PDE3A: variants seen among roughly 807,000 people sequenced by gnomAD.
PDE3A encodes phosphodiesterase 3A.
PDE3A carries 43 observed loss-of-function variants against 98.3 expected under a neutral mutation model. That is an observed-to-expected ratio of 0.44 (90% CI 0.34 to 0.56). The LOEUF (loss-of-function observed/expected upper bound fraction) is 0.56, where lower values mean the gene tolerates loss of function less well. Ranked by LOEUF, PDE3A falls within the 20% of genes least tolerant of loss-of-function variation. The pLI, the probability that PDE3A is intolerant of heterozygous loss-of-function variation, is 0.01. For synonymous variants in PDE3A, 663 were observed against 567.9 expected (o/e 1.17, Z -2.38); for missense variants, 1,427 against 1,440.7 (o/e 0.99, Z 0.15).
At chr12:20,558,023 C>A (rs1446716073) in intron 2 of PDE3A, among the ~76,000 whole-genome samples, 1 of 151,896 alleles carries the variant, frequency 6.6e-6, no homozygotes, top group African/African-American at 2.4e-5. Context: ...TGATTGCCAC[C>A]AAAACATTTT....
intron 2 of PDE3A, among the ~76,000 whole-genome samples, chr12:20,605,193 TA>T (rs1478538132): frequency 6.6e-6 from 1 of 152,172 alleles, no homozygotes; most frequent in Non-Finnish European, 1.5e-5. Context: ...ATAACAGGCC[TA>T]AAGAGATTTG....
chr12:20,396,603 A>T (rs79234911), intron 1 of PDE3A, among the ~76,000 whole-genome samples: 11,063 of 152,230 alleles, frequency 0.073, 489 homozygotes, highest in Admixed American at 0.1. Flanking sequence ...GTTTCAAAAT[A>T]TGCATAGAGT....
At chr12:20,400,378 GGT>G (rs1944100341) in intron 1 of PDE3A, among the ~76,000 whole-genome samples, 4 of 106,158 alleles carry the variant, frequency 3.8e-5, no homozygotes, top group African/African-American at 1.7e-4. Context: ...CGTTAACATT[GGT>G]TTTTTTTTTT....
At chr12:20,454,974 T>C (rs1445842304) in intron 1 of PDE3A, among the ~76,000 whole-genome samples, 1 of 152,206 alleles carries the variant, frequency 6.6e-6, no homozygotes, top group Admixed American at 6.5e-5. Flanking sequence ...TTATGTTCCT[T>C]TGGGTATATA....
intron 1 of PDE3A, among the ~76,000 whole-genome samples, chr12:20,454,513 G>A (rs1220995479): frequency 6.6e-6 from 1 of 152,108 alleles, no homozygotes. Context: ...ACATGTGCAG[G>A]TTTGTTATGT....
intron 1 of PDE3A, among the ~76,000 whole-genome samples, chr12:20,434,281 G>A (rs180699056): frequency 6.2e-4 from 95 of 152,106 alleles, no homozygotes; most frequent in Non-Finnish European, 6.3e-4. Context: ...TCTGGACCAG[G>A]ATGGGAACAT....
intron 2 of PDE3A, among the ~76,000 whole-genome samples, chr12:20,561,198 C>T (rs895897690): frequency 6.6e-6 from 1 of 151,758 alleles, no homozygotes; most frequent in South Asian, 2.1e-4. Context: ...GCAGAGGCTG[C>T]AGTGAGCCAA....
chr12:20,653,275 T>A (rs1372981291), intron 14 of PDE3A, among the ~76,000 whole-genome samples: 1 of 152,146 alleles, frequency 6.6e-6, no homozygotes, highest in Non-Finnish European at 1.5e-5. Flanking sequence ...ACCCCTTGAA[T>A]TGAGCAATAA....
At chr12:20,665,463 T>C (rs540994634) in intron 15 of PDE3A, among the ~76,000 whole-genome samples, 6 of 152,344 alleles carry the variant, frequency 3.9e-5, no homozygotes, top group South Asian at 4.1e-4. Flanking sequence ...GAAAATGTAA[T>C]GTATTTCTTT....
In PDE3A at chr12:20,637,080, T is replaced by C. The variant is rs186003067; in HGVS notation, c.2002-20T>C. 3 of 1,547,604 alleles carry C rather than the reference T, an allele frequency of 1.9e-6. No individual in the cohort carries two copies. The highest frequency in any genetic ancestry group is 2.6e-6 in the Non-Finnish European group (3 of 1,148,896). On this transcript the variant is annotated intron_variant, in intron 8 of 15. Transcript: ENST00000359062. ...GAAAAACTGCATGCTGTTTAAGTAT[T>C]TTAATGTTAAACATTACAGGACAAA...
chr12:20,555,316 C>T (rs746033110), intron 1 of PDE3A, among the ~76,000 whole-genome samples: 8 of 152,144 alleles, frequency 5.3e-5, no homozygotes, highest in Non-Finnish European at 7.3e-5. Context: ...GCCCCGGCCT[C>T]TAATGGATTC....
intron 2 of PDE3A, among the ~76,000 whole-genome samples, chr12:20,557,761 T>C (rs1205351789): frequency 4.6e-5 from 7 of 152,160 alleles, no homozygotes; most frequent in Non-Finnish European, 8.8e-5. Flanking sequence ...TCAATTTGAT[T>C]AGTAAATAAT....
At chr12:20,571,040 T>C (rs1942792100) in intron 2 of PDE3A, among the ~76,000 whole-genome samples, 1 of 152,208 alleles carries the variant, frequency 6.6e-6, no homozygotes, top group Non-Finnish European at 1.5e-5. Context: ...CATGTTATGA[T>C]AGCATCAGCT....
chr12:20,657,482 G>T (rs1006117407), intron 15 of PDE3A, among the ~76,000 whole-genome samples: 1 of 152,142 alleles, frequency 6.6e-6, no homozygotes, highest in African/African-American at 2.4e-5. Context: ...CCAGGAAACA[G>T]AATAAAATGT....
intron 15 of PDE3A, among the ~76,000 whole-genome samples, chr12:20,666,593 CT>C (rs1187242382): frequency 1.3e-5 from 2 of 152,064 alleles, no homozygotes; most frequent in Non-Finnish European, 2.9e-5. Flanking sequence ...ATTAATGATG[CT>C]GCAAATGTCA....
chr12:20,613,496 C>A lies in PDE3A; in HGVS notation c.1065C>A (p.Gly355=). The A allele has an allele frequency of 6.2e-7, 1 of 1,614,068 alleles. No homozygotes were observed. Among genetic ancestry groups the A allele is most frequent in the Non-Finnish European group, 8.5e-7 (1 of 1,179,894 alleles). The change falls in exon 3 of 16, where the codon GGC becomes GGA. Residue 355 remains glycine (G), a synonymous_variant. Transcript: ENST00000359062. ...TCGCCGTCATGGGCGAGGCCCACGG[C>A]CTCATTACCGACCTCCTGGCAGACC... ...VDIAVMGEAH[G]LITDLLADPS... is the part of the protein sequence containing the mutation.
chr12:20,485,494 G>T (rs1016917453), intron 1 of PDE3A, among the ~76,000 whole-genome samples: 14 of 151,840 alleles, frequency 9.2e-5, no homozygotes, highest in Admixed American at 7.9e-4. Flanking sequence ...ACTTTGTTTT[G>T]TCCTTTTTTG....
intron 15 of PDE3A, among the ~76,000 whole-genome samples, chr12:20,678,675 A>G (rs1179764177): frequency 6.6e-6 from 1 of 152,186 alleles, no homozygotes; most frequent in Non-Finnish European, 1.5e-5. Flanking sequence ...GCCAGCTCTA[A>G]GTTCACTTCA....
chr12:20,649,956 ATATG>A (rs60270552), intron 13 of PDE3A, among the ~76,000 whole-genome samples: 76,137 of 151,902 alleles, frequency 0.5, 20,270 homozygotes, highest in East Asian at 0.76. Flanking sequence ...AATTGATTAT[ATATG>A]CCAATTTAAA....
Sources: allele counts gnomAD v4.1 joint callset (sites outside exome capture counted in the v4.1 genomes callset), GRCh38; gene constraint gnomAD v4.1.1; transcripts MANE v1.5; gene names NCBI Gene and HGNC (gene_info 2026-07-23, HGNC 2026-07-21).